ARL15: variants seen among roughly 807,000 people sequenced by gnomAD.
ARL15 encodes ARF like GTPase 15.
A neutral mutation model predicts 25.2 loss-of-function variants in ARL15; 19 were observed. The ratio of observed to expected loss-of-function variants is 0.75; its 90% CI spans 0.53 to 1.10. The LOEUF (loss-of-function observed/expected upper bound fraction) is 1.10. Ranked by LOEUF, ARL15 falls within the 50% of genes least tolerant of loss-of-function variation. ARL15 has a pLI of 0.00. For missense variants in ARL15, 220 were observed against 246.0 expected, an observed-to-expected ratio of 0.89 and a Z score of 0.71; for synonymous variants, 94 against 86.8, an observed-to-expected ratio of 1.08 and a Z score of -0.46.
intron 4 of ARL15, among the ~76,000 whole-genome samples, chr5:53,905,099 C>T (rs1219171855): frequency 6.6e-6 from 1 of 152,156 alleles, no homozygotes; most frequent in Non-Finnish European, 1.5e-5. Context: ...CTTTTAACTA[C>T]ACGTTCTGCT....
intron 1 of ARL15, among the ~76,000 whole-genome samples, chr5:54,265,164 T>TA (rs1169174065): frequency 2.0e-5 from 3 of 152,166 alleles, no homozygotes; most frequent in East Asian, 3.9e-4. Context: ...AGACTTCCCC[T>TA]AAAAAAACCC....
At chr5:53,912,262 C>T (rs527565200) in intron 4 of ARL15, 29 of 152,264 alleles carry the variant, frequency 1.9e-4, no homozygotes, top group African/African-American at 6.7e-4. Context: ...TATGTCCAAG[C>T]TATGGGGGCA....
chr5:54,223,978 G>C (rs59660084), intron 1 of ARL15, among the ~76,000 whole-genome samples: 4 of 152,224 alleles, frequency 2.6e-5, no homozygotes, highest in Admixed American at 6.5e-5. Context: ...GTACGCATCA[G>C]TACAAGCAGG....
intron 4 of ARL15, among the ~76,000 whole-genome samples, chr5:53,969,766 A>G (rs531678945): frequency 7.9e-5 from 12 of 152,322 alleles, no homozygotes; most frequent in East Asian, 3.9e-4. Flanking sequence ...ATTCTGGAAT[A>G]AGAAGGTTAC....
chr5:53,912,825 A>G (rs1170279879), intron 4 of ARL15, among the ~76,000 whole-genome samples: 1 of 152,256 alleles, frequency 6.6e-6, no homozygotes, highest in Non-Finnish European at 1.5e-5. Context: ...ACTCTTCTAG[A>G]GACTAAAGAT....
chr5:54,037,726 G>A (rs951978114), intron 4 of ARL15, among the ~76,000 whole-genome samples: 5 of 152,026 alleles, frequency 3.3e-5, no homozygotes, highest in African/African-American at 1.2e-4. Context: ...ATGGATGATA[G>A]GCACTTTTAA....
intron 4 of ARL15, among the ~76,000 whole-genome samples, chr5:54,067,996 AC>A (rs1312730085): frequency 6.6e-6 from 1 of 152,180 alleles, no homozygotes; most frequent in Non-Finnish European, 1.5e-5. Flanking sequence ...TATCTCTCCC[AC>A]TAAAGTGTCA....
chr5:54,241,379 A>G (rs1366720157), intron 1 of ARL15, among the ~76,000 whole-genome samples: 7 of 152,178 alleles, frequency 4.6e-5, no homozygotes, highest in African/African-American at 1.2e-4. Context: ...ATTCAGAATC[A>G]TAAGGAAATA....
At chr5:53,919,779 C>T (rs1278250436) in intron 4 of ARL15, among the ~76,000 whole-genome samples, 1 of 152,168 alleles carries the variant, frequency 6.6e-6, no homozygotes, top group Non-Finnish European at 1.5e-5. Context: ...GATCAGCTCA[C>T]TCGTTTCTCA....
chr5:54,007,386 T>TA (rs1749079650), intron 4 of ARL15, among the ~76,000 whole-genome samples: 1 of 152,246 alleles, frequency 6.6e-6, no homozygotes, highest in Non-Finnish European at 1.5e-5. Context: ...CTTCTAGCTT[T>TA]AAATATATTC....
intron 3 of ARL15, among the ~76,000 whole-genome samples, chr5:54,133,495 G>A (rs1753500899): frequency 6.6e-6 from 1 of 152,106 alleles, no homozygotes; most frequent in African/African-American, 2.4e-5. Flanking sequence ...GTCCAGTCTT[G>A]GTAGCAGGCA....
chr5:54,081,999 G>A (rs549679648), intron 4 of ARL15, among the ~76,000 whole-genome samples: 284 of 151,388 alleles, frequency 1.9e-3, no homozygotes, highest in African/African-American at 6.6e-3. Flanking sequence ...GCTAAGGCAC[G>A]AGAACTGCTT....
chr5:54,085,179 A>G (rs1279827870), intron 4 of ARL15, among the ~76,000 whole-genome samples: 2 of 152,226 alleles, frequency 1.3e-5, no homozygotes, highest in Admixed American at 6.5e-5. Context: ...ATAAGAATAA[A>G]TGAATTGTTT....
chr5:54,297,145 A>AT (rs1379326556), intron 1 of ARL15, among the ~76,000 whole-genome samples: 5 of 152,120 alleles, frequency 3.3e-5, no homozygotes, highest in Admixed American at 2.0e-4. Context: ...CTCTCGGCCT[A>AT]TTTTTTTCTA....
At chr5:54,186,679 A>G (rs969801911) in intron 1 of ARL15, among the ~76,000 whole-genome samples, 1 of 152,002 alleles carries the variant, frequency 6.6e-6, no homozygotes, top group Non-Finnish European at 1.5e-5. Context: ...TAATCCTTTT[A>G]GTATTTGCTT....
intron 4 of ARL15, among the ~76,000 whole-genome samples, chr5:53,897,852 G>T (rs10052682): frequency 0.7 from 105,896 of 151,986 alleles, 38,057 homozygotes; most frequent in African/African-American, 0.79. Flanking sequence ...GGGTGCTGAC[G>T]GCCACACAGT....
chr5:54,176,197 A>G (rs1243532865), intron 1 of ARL15, among the ~76,000 whole-genome samples: 4 of 152,216 alleles, frequency 2.6e-5, no homozygotes, highest in Non-Finnish European at 5.9e-5. Flanking sequence ...CTTAATGGCT[A>G]GATTGATAGT....
At chr5:54,113,883 AG>A (rs1752815383) in intron 3 of ARL15, among the ~76,000 whole-genome samples, 1 of 152,186 alleles carries the variant, frequency 6.6e-6, no homozygotes. Flanking sequence ...CTTGCTGATC[AG>A]GACAGCCTTG....
At chr5:54,201,060 G>A (rs1010226209) in intron 1 of ARL15, among the ~76,000 whole-genome samples, 1 of 151,710 alleles carries the variant, frequency 6.6e-6, no homozygotes, top group Non-Finnish European at 1.5e-5. Flanking sequence ...AAAAAAAAAA[G>A]AGTTGAGTGA....
Sources: gnomAD v4.1 joint callset for allele counts (sites outside exome capture counted in the v4.1 genomes callset) on GRCh38, gnomAD v4.1.1 for gene constraint, MANE v1.5 for transcripts, NCBI Gene and HGNC (gene_info 2026-07-23, HGNC 2026-07-21) for gene names.